Variants in STMND1 observed in about 807,000 individuals in gnomAD.
The protein encoded by STMND1 is stathmin domain-containing protein 1.
STMND1 carries 17 observed loss-of-function variants against 23.0 expected under a neutral mutation model. The ratio of observed to expected loss-of-function variants is 0.74; its 90% confidence interval spans 0.51 to 1.11. STMND1 has a LOEUF of 1.11. Ranked by LOEUF, STMND1 falls within the 50% of genes least tolerant of loss-of-function variation. The pLI, the probability that STMND1 is intolerant of heterozygous loss-of-function variation, is 0.00. For missense variants in STMND1, 305 were observed against 329.1 expected, an observed-to-expected ratio of 0.93 and a Z score of 0.57; for synonymous variants, 114 against 119.9, an observed-to-expected ratio of 0.95 and a Z score of 0.32.
At chr6:17,102,543 T>C (rs1283146627) in intron 1 of STMND1, among the ~76,000 whole-genome samples, 2 of 152,172 alleles carry the variant, frequency 1.3e-5, no homozygotes, top group Non-Finnish European at 2.9e-5. Context: ...TATCAAAATA[T>C]ATCTATCTAT....
chr6:17,106,734 C>T lies in STMND1; in HGVS notation c.81+4396C>T, dbSNP rs544793568. 2.4e-4 allele frequency among the ~76,000 whole-genome samples: 36 copies of T among 152,142 alleles called. 1 individual carries two copies. Among genetic ancestry groups the T allele is most frequent in the Non-Finnish European group, 1.3e-4 (9 of 68,026 alleles). ...AGCAGGATCTTTAAAATGAAATGAA[C>T]GTGTTTGCTTGCATGAAATATTTAT... is the stretch of plus-strand genomic sequence containing the variant. On this transcript the variant is annotated intron_variant, in intron 1 of 4. Transcript: ENST00000536551.
At chr6:17,122,582 G>A (rs910804888) in intron 3 of STMND1, among the ~76,000 whole-genome samples, 1 of 151,954 alleles carries the variant, frequency 6.6e-6, no homozygotes, top group Non-Finnish European at 1.5e-5. Flanking sequence ...GGAATGTTGA[G>A]AACTCATGAA....
chr6:17,126,917 G>C (rs1044696842), intron 3 of STMND1, among the ~76,000 whole-genome samples: 1 of 152,196 alleles, frequency 6.6e-6, no homozygotes, highest in Non-Finnish European at 1.5e-5. Flanking sequence ...TGAGAAAATT[G>C]AGTCCAAAGA....
At position 17,120,661 on chromosome 6, in the gene STMND1, G is replaced by A. The variant is rs555887143; in HGVS notation, c.314G>A (p.Arg105Gln). The part of the protein sequence containing the change: ...NKPQSLESRE[R>Q]QKSSDILEEL... Reference sequence around the variant, plus strand: ...CCCCAATCCCTAGAGAGTCGAGAGCGACAGAAGTCATCAGATATCCTGGAG... The same window carrying A: ...CCCCAATCCCTAGAGAGTCGAGAGCAACAGAAGTCATCAGATATCCTGGAG... Residue 105 changes from arginine to glutamine, a missense_variant, in exon 3 of 5, where the codon CGA becomes CAA. Transcript: ENST00000536551. 2.7e-5 allele frequency: 42 copies of A among 1,535,376 alleles called. No individual in the cohort carries two copies. In the Middle Eastern group the frequency reaches 8.3e-4, roughly 31 times the overall value.
intron 3 of STMND1, among the ~76,000 whole-genome samples, chr6:17,127,104 A>G (rs912725908): frequency 1.3e-5 from 2 of 152,230 alleles, no homozygotes; most frequent in African/African-American, 2.4e-5. Flanking sequence ...GGAAGAAGTC[A>G]CTGCTTTGAC....
At chr6:17,124,363 C>T (rs909936329) in intron 3 of STMND1, among the ~76,000 whole-genome samples, 6 of 152,176 alleles carry the variant, frequency 3.9e-5, no homozygotes, top group Non-Finnish European at 8.8e-5. Flanking sequence ...AGTATATTTA[C>T]ATACAAGGGC....
chr6:17,111,057 G>C (rs970826976), intron 1 of STMND1, among the ~76,000 whole-genome samples: 5 of 152,166 alleles, frequency 3.3e-5, no homozygotes, highest in Admixed American at 6.5e-5. Flanking sequence ...AAAAATAAAT[G>C]ACAGTTCTTT....
At chr6:17,130,564 T>C (rs1304257706) in intron 4 of STMND1, 30 bp from the exon 5 acceptor site, 3 of 1,450,670 alleles carry the variant, frequency 2.1e-6, no homozygotes, top group Non-Finnish European at 2.7e-6. Flanking sequence ...TTATTCACGC[T>C]CTTTTTCATT....
rs34107338 is a variant in STMND1 at position 17,117,667 on chromosome 6, CTTTTTT to C, written c.259+2548_259+2553del. Among the ~76,000 whole-genome samples, 159 of 49,580 alleles carry C rather than the reference CTTTTTT, an allele frequency of 3.2e-3. 1 individual carries two copies. Among genetic ancestry groups the C allele is most frequent in the African/African-American group, 0.013 (151 of 11,626 alleles). The allele number at this position is 49,580 out of a possible 152,430, so 32.5% of individuals were successfully genotyped here. Reference sequence around the variant, plus strand: ...TCCTCCTGATTGGATTTGGGTTACGCTTTTTTTTTTTTTTTTTTTTTTTTTGGAGAC... The same window carrying C: ...TCCTCCTGATTGGATTTGGGTTACGCTTTTTTTTTTTTTTTTTTTGGAGAC... On this transcript the variant is annotated intron_variant, in intron 2 of 4. Transcript: ENST00000536551.
chr6:17,113,337 G>A (rs1308913572), intron 1 of STMND1, among the ~76,000 whole-genome samples: 1 of 152,200 alleles, frequency 6.6e-6, no homozygotes, highest in Non-Finnish European at 1.5e-5. Flanking sequence ...ACAGACTGGA[G>A]TTGAAGCTGC....
In STMND1 at chr6:17,102,233, CGGA is replaced by C. The variant is rs1561920172; in HGVS notation, c.-17_-15del. The C allele has an allele frequency of 1.9e-5, 29 of 1,517,668 alleles. No individual in the cohort carries two copies. The East Asian group carries it at 6.7e-4, about 35-fold the overall frequency. 94.0% of individuals were successfully genotyped at this position (1,517,668 alleles called of 1,614,324 possible). A position where few individuals can be genotyped will look rare whatever the true frequency, so the allele number is the denominator to read the frequency against. On this transcript the variant is annotated 5_prime_UTR_variant, in exon 1 of 5. Coordinates refer to ENST00000536551, the MANE Select transcript of STMND1 (RefSeq NM_001190766.2). The stretch of plus-strand genomic sequence containing the variant: ...CGGGGGCGCACAGCAGCCAAGCCCG[CGGA>C]GGAGGAGCGCGCGCGCGCAGCATGG...
chr6:17,109,592 T>A (rs1761072155), intron 1 of STMND1, among the ~76,000 whole-genome samples: 2 of 152,228 alleles, frequency 1.3e-5, no homozygotes, highest in Admixed American at 1.3e-4. Flanking sequence ...TCATTTTTCT[T>A]AAAGAAAATG....
chr6:17,107,710 C>T (rs1761044485), intron 1 of STMND1, among the ~76,000 whole-genome samples: 1 of 152,186 alleles, frequency 6.6e-6, no homozygotes, highest in African/African-American at 2.4e-5. Context: ...GATCCTTTCA[C>T]CTCAGCCTGC....
At chr6:17,105,719 G>C (rs1401428754) in intron 1 of STMND1, among the ~76,000 whole-genome samples, 1 of 151,508 alleles carries the variant, frequency 6.6e-6, no homozygotes, top group Non-Finnish European at 1.5e-5. Flanking sequence ...AAGGTCAGGA[G>C]ATCGAGACCA....
intron 3 of STMND1, among the ~76,000 whole-genome samples, chr6:17,122,566 G>T (rs538753674): frequency 6.6e-6 from 1 of 152,048 alleles, no homozygotes; most frequent in Non-Finnish European, 1.5e-5. Flanking sequence ...CCTTCTTTGT[G>T]TATGGGGAAT....
chr6:17,103,086 A>G (rs1011384452), intron 1 of STMND1, among the ~76,000 whole-genome samples: 8 of 151,938 alleles, frequency 5.3e-5, no homozygotes, highest in African/African-American at 1.9e-4. Flanking sequence ...CATCCTTACC[A>G]CCCTCCAGAT....
chr6:17,107,695 C>G (rs1322630587), intron 1 of STMND1, among the ~76,000 whole-genome samples: 1 of 152,166 alleles, frequency 6.6e-6, no homozygotes, highest in Non-Finnish European at 1.5e-5. Flanking sequence ...TCCCCTGGCT[C>G]AAGAGATCCT....
chr6:17,108,786 T>C (rs980510037), intron 1 of STMND1, among the ~76,000 whole-genome samples: 2 of 149,568 alleles, frequency 1.3e-5, no homozygotes, highest in South Asian at 2.1e-4. Context: ...AACCTCCGCC[T>C]CTCGAGTTCA....
chr6:17,117,002 T>C (rs1040690972), intron 2 of STMND1, among the ~76,000 whole-genome samples: 1 of 152,212 alleles, frequency 6.6e-6, no homozygotes, highest in Admixed American at 6.5e-5. Context: ...CAGTGTGTAT[T>C]TCCTAAAAAC....
Sources: gnomAD v4.1 joint callset for allele counts (sites outside exome capture counted in the v4.1 genomes callset) on GRCh38, gnomAD v4.1.1 for gene constraint, MANE v1.5 for transcripts, NCBI Gene and HGNC (gene_info 2026-07-23, HGNC 2026-07-21) for gene names.